MGAT4C: variants seen among roughly 807,000 people sequenced by gnomAD.
The protein encoded by MGAT4C is MGAT4 family member C, also known as alpha-1,3-mannosyl-glycoprotein 4-beta-N-acetylglucosaminyltransferase C.
Under a neutral mutation model 40.1 loss-of-function variants are expected in MGAT4C, and 19 were observed. That is an observed-to-expected ratio of 0.47 (90% CI 0.33 to 0.70). MGAT4C has a LOEUF of 0.70. MGAT4C is among the 30% of genes least tolerant of loss of function. The probability of loss-of-function intolerance (pLI) is 0.02; values close to 1 mark genes in which losing one functional copy is unlikely to be tolerated. For missense variants in MGAT4C, 491 were observed against 563.2 expected (o/e 0.87, Z 1.30); for synonymous variants, 181 against 187.1 (o/e 0.97, Z 0.27).
chr12:86,704,382 A>G (rs1950419618), intron 2 of MGAT4C, among the ~76,000 whole-genome samples: 1 of 152,066 alleles, frequency 6.6e-6, no homozygotes, highest in African/African-American at 2.4e-5. Context: ...ATGAGTAAAT[A>G]CTATTGGAAA....
At position 85,975,103 on chromosome 12, in the gene MGAT4C, TA is replaced by T. The variant is rs754656179; in HGVS notation, c.*4185del. ...ATATTATTATTTGTGATGAGAGCACTAGGGGCAATTTTGATATTTTTGATAA... is the reference window on the plus strand; with the variant it reads ...ATATTATTATTTGTGATGAGAGCACTGGGGCAATTTTGATATTTTTGATAA... On this transcript the variant is annotated 3_prime_UTR_variant, in exon 5 of 5. Coordinates refer to ENST00000611864, the MANE Select transcript of MGAT4C (RefSeq NM_001351288.2). 1 of 150,928 alleles carries T rather than the reference TA, an allele frequency of 6.6e-6. No homozygotes were observed. Among genetic ancestry groups the T allele is most frequent in the Non-Finnish European group, 1.5e-5 (1 of 67,144 alleles). 9.3% of individuals were successfully genotyped at this position (150,928 alleles called of 1,614,324 possible).
intron 1 of MGAT4C, among the ~76,000 whole-genome samples, chr12:86,206,268 CAGAG>C (rs1190927627): frequency 1.3e-5 from 2 of 151,968 alleles, no homozygotes; most frequent in African/African-American, 4.8e-5. Context: ...ATAATAAGGA[CAGAG>C]AATGTAAAAG....
rs547697326 is a variant in MGAT4C, at chr12:86,665,417, C to A, written c.-229+61792G>T. 2.0e-4 allele frequency among the ~76,000 whole-genome samples: 30 copies of A among 151,824 alleles called. No homozygotes were observed. The East Asian group carries it at 5.3e-3, about 27-fold the overall frequency. On this transcript the variant is annotated intron_variant, in intron 2 of 7. Transcript: ENST00000548651. ...TTTGAGACGGAGCCTTGCTCTGTCA[C>A]CTCGGCTGGAGTGCAGTGGCGTGAT...
chr12:86,352,713 A>G (rs921401632), intron 3 of MGAT4C, among the ~76,000 whole-genome samples: 4 of 152,060 alleles, frequency 2.6e-5, no homozygotes, highest in Non-Finnish European at 5.9e-5. Flanking sequence ...GAAGTTTCTC[A>G]TATTTTGTAA....
chr12:86,488,266 A>T (rs1565795946), intron 2 of MGAT4C, among the ~76,000 whole-genome samples: 1 of 151,752 alleles, frequency 6.6e-6, no homozygotes, highest in Admixed American at 6.6e-5. Flanking sequence ...AAAAAAAAAA[A>T]AATAGAAAAA....
intron 2 of MGAT4C, among the ~76,000 whole-genome samples, chr12:86,483,947 G>T (rs1345888291): frequency 1.3e-5 from 2 of 151,278 alleles, no homozygotes; most frequent in Non-Finnish European, 2.9e-5. Context: ...AGTTATTAAA[G>T]ACGCAAGGTA....
intron 2 of MGAT4C, among the ~76,000 whole-genome samples, chr12:86,535,511 C>G (rs1472441213): frequency 6.6e-6 from 1 of 152,044 alleles, no homozygotes; most frequent in Non-Finnish European, 1.5e-5. Flanking sequence ...ACAGCTGATT[C>G]ACTCAGCTTC....
intron 2 of MGAT4C, among the ~76,000 whole-genome samples, chr12:86,652,868 TA>T (rs1359453916): frequency 1.3e-5 from 2 of 151,932 alleles, no homozygotes; most frequent in Non-Finnish European, 2.9e-5. Context: ...CTATTTCACT[TA>T]AACTCATTTG....
At chr12:86,799,899 G>C (rs913933512) in intron 1 of MGAT4C, among the ~76,000 whole-genome samples, 3 of 151,860 alleles carry the variant, frequency 2.0e-5, no homozygotes, top group African/African-American at 7.2e-5. Flanking sequence ...GAATTTGAGA[G>C]TGAGAGCATC....
intron 1 of MGAT4C, among the ~76,000 whole-genome samples, chr12:86,079,476 T>G (rs1445609865): frequency 6.6e-6 from 1 of 152,174 alleles, no homozygotes; most frequent in Non-Finnish European, 1.5e-5. Context: ...AAGGACAAAC[T>G]GTGAGTCCAG....
chr12:86,523,478 T>G (rs1958831019), intron 2 of MGAT4C, among the ~76,000 whole-genome samples: 2 of 152,190 alleles, frequency 1.3e-5, no homozygotes. Flanking sequence ...TTTCAGTACT[T>G]CTGCATTTGC....
chr12:86,413,720 G>T (rs750059740), intron 3 of MGAT4C, among the ~76,000 whole-genome samples: 1 of 152,142 alleles, frequency 6.6e-6, no homozygotes, highest in Non-Finnish European at 1.5e-5. Context: ...ACACTAGGGG[G>T]TCTGCCTAAA....
chr12:86,700,322 T>TAGAG (rs946716899), intron 2 of MGAT4C, among the ~76,000 whole-genome samples: 1 of 151,930 alleles, frequency 6.6e-6, no homozygotes, highest in Admixed American at 6.6e-5. Flanking sequence ...GAGTTAATTT[T>TAGAG]AGAGAGAGAG....
intron 2 of MGAT4C, among the ~76,000 whole-genome samples, chr12:85,996,800 A>T (rs1161846615): frequency 1.3e-5 from 2 of 152,230 alleles, no homozygotes; most frequent in Non-Finnish European, 2.9e-5. Context: ...GGAGGAAGAA[A>T]GGAAAGAAAG....
chr12:86,609,852 G>A (rs1267811059), intron 2 of MGAT4C, among the ~76,000 whole-genome samples: 1 of 151,016 alleles, frequency 6.6e-6, no homozygotes, highest in Non-Finnish European at 1.5e-5. Flanking sequence ...ATTTAAAGAG[G>A]GATGTAGAAT....
At chr12:86,661,710 C>G (rs961787956) in intron 2 of MGAT4C, among the ~76,000 whole-genome samples, 3 of 152,070 alleles carry the variant, frequency 2.0e-5, no homozygotes, top group African/African-American at 7.2e-5. Context: ...CTTTGAGAGG[C>G]TGAGGTTGGT....
chr12:86,084,954 A>G (rs1034477012), intron 1 of MGAT4C, among the ~76,000 whole-genome samples: 1 of 152,026 alleles, frequency 6.6e-6, no homozygotes, highest in African/African-American at 2.4e-5. Context: ...TAAGAGAGGT[A>G]GTGAGGAACT....
intron 4 of MGAT4C, among the ~76,000 whole-genome samples, chr12:86,275,944 CAAAAA>C (rs748476574): frequency 1.4e-5 from 1 of 69,190 alleles, no homozygotes; most frequent in Non-Finnish European, 2.7e-5. Flanking sequence ...ACTAAAAATC[CAAAAA>C]AAAAAAAAAA....
intron 2 of MGAT4C, among the ~76,000 whole-genome samples, chr12:86,477,351 A>G (rs1416048418): frequency 6.6e-6 from 1 of 151,974 alleles, no homozygotes; most frequent in East Asian, 1.9e-4. Context: ...TATAAGTGGG[A>G]GCTAAATATT....
Sources: gnomAD v4.1 joint callset for allele counts (sites outside exome capture counted in the v4.1 genomes callset) on GRCh38, gnomAD v4.1.1 for gene constraint, MANE v1.5 for transcripts, NCBI Gene and HGNC (gene_info 2026-07-23, HGNC 2026-07-21) for gene names.